Variants in LEO1 observed in about 807,000 individuals in gnomAD.
LEO1 encodes the protein LEO1 component of Paf1/RNA polymerase II complex.
Under a neutral mutation model 80.4 loss-of-function variants are expected in LEO1, and 34 were observed. That is an observed-to-expected ratio of 0.42 (90% CI 0.32 to 0.56). The LOEUF (loss-of-function observed/expected upper bound fraction) is 0.56. LEO1 is among the 20% of genes least tolerant of loss of function. The probability of loss-of-function intolerance (pLI) is 0.10; values close to 1 mark genes in which losing one functional copy is unlikely to be tolerated. For synonymous variants in LEO1, 262 were observed against 274.9 expected (o/e 0.95, Z 0.46); for missense variants, 631 against 814.2 (o/e 0.77, Z 2.74).
chr15:51,960,748 G>A lies in LEO1; in HGVS notation c.920-15C>T. 3 of 1,444,540 alleles carry A rather than the reference G, an allele frequency of 2.1e-6. No homozygotes were observed. The highest frequency in any genetic ancestry group is 1.1e-5 in the South Asian group (1 of 87,446). 89.5% of individuals were successfully genotyped at this position (1,444,540 alleles called of 1,614,324 possible). ...TCCACTATTATCTTCAATGCAGAAG[G>A]AAAAAGGCATTAGTGTTACTATCTG... On this transcript the variant is annotated splice_polypyrimidine_tract_variant and intron_variant, in intron 3 of 11. Transcript: ENST00000299601.
At chr15:51,938,469 G>A (rs2056820229) in intron 11 of LEO1, among the ~76,000 whole-genome samples, 1 of 152,220 alleles carries the variant, frequency 6.6e-6, no homozygotes, top group South Asian at 2.1e-4. Context: ...GCAGGAAACT[G>A]GAGACAGGAT....
chr15:51,940,873 A>G (rs1025517986), intron 11 of LEO1, among the ~76,000 whole-genome samples: 6 of 152,014 alleles, frequency 3.9e-5, no homozygotes, highest in Non-Finnish European at 5.9e-5. Context: ...TGAGGCGGGC[A>G]GATCACTTGA....
intron 2 of LEO1, among the ~76,000 whole-genome samples, chr15:51,963,346 C>G (rs2057046283): frequency 6.6e-6 from 1 of 151,850 alleles, no homozygotes; most frequent in Non-Finnish European, 1.5e-5. Context: ...TAAAACTTAT[C>G]AAATTTACAT....
In LEO1 at chr15:51,966,033, T is replaced by C. The variant is rs1253146328; in HGVS notation, c.530A>G (p.Gln177Arg). 6.2e-7 allele frequency: 1 copy of C among 1,614,038 alleles called. No homozygotes were observed. Among genetic ancestry groups the C allele is most frequent in the East Asian group, 2.2e-5 (1 of 44,900 alleles). The change falls in exon 2 of 12, where the codon CAG (glutamine) becomes CGG (arginine). Residue 177 changes from glutamine to arginine, a missense_variant. By Grantham distance (43) the Gln-to-Arg change is conservative. Transcript: ENST00000299601. ...RAQGSDEDKLQNSDDDEKMQN... is the reference protein window; with the variant it reads ...RAQGSDEDKLRNSDDDEKMQN... Reference sequence around the variant, plus strand: ...CATTTTCTCATCATCGTCAGAATTCTGCAGCTTATCTTCATCAGATCCTTG... The same window carrying C: ...CATTTTCTCATCATCGTCAGAATTCCGCAGCTTATCTTCATCAGATCCTTG...
At chr15:51,971,605 C>A (rs2057123762) in intron 1 of LEO1, 83 bp downstream of exon 1, 1 of 1,423,948 alleles carries the variant, frequency 7.0e-7, no homozygotes, top group Non-Finnish European at 9.9e-7. Context: ...CTCTTGCCCG[C>A]GGCGCTGGAG....
chr15:51,962,157 T>C (rs1184521535), intron 3 of LEO1, among the ~76,000 whole-genome samples: 2 of 150,230 alleles, frequency 1.3e-5, no homozygotes, highest in Non-Finnish European at 3.0e-5. Flanking sequence ...AGCAAGACTC[T>C]GTCTCTTAAA....
intron 7 of LEO1, among the ~76,000 whole-genome samples, chr15:51,953,944 T>C (rs537323341): frequency 7.9e-5 from 12 of 151,706 alleles, no homozygotes; most frequent in African/African-American, 2.2e-4. Context: ...TTTCTTTTTT[T>C]TTTTTTTGAG....
intron 6 of LEO1, 95 bp downstream of exon 6, chr15:51,958,647 G>C (rs529687524): frequency 4.1e-6 from 3 of 735,674 alleles, no homozygotes; most frequent in African/African-American, 3.6e-5. Flanking sequence ...TGAAGTGTTA[G>C]GTAAAAAAAT....
intron 2 of LEO1, among the ~76,000 whole-genome samples, chr15:51,963,726 A>C (rs1014520048): frequency 6.6e-6 from 1 of 151,566 alleles, no homozygotes; most frequent in Non-Finnish European, 1.5e-5. Flanking sequence ...ACATGGGGAA[A>C]CTTCCTCTCT....
At chr15:51,941,973 T>C (rs2056856772) in intron 11 of LEO1, among the ~76,000 whole-genome samples, 6 of 152,272 alleles carry the variant, frequency 3.9e-5, no homozygotes. Context: ...TAATATAGAC[T>C]GGCCCTTGCC....
chr15:51,956,857 G>A (rs538217375), intron 6 of LEO1, among the ~76,000 whole-genome samples: 12 of 152,146 alleles, frequency 7.9e-5, no homozygotes, highest in East Asian at 5.8e-4. Flanking sequence ...ACAGGGTCTC[G>A]CTGTGCTGCA....
chr15:51,970,944 C>G (rs1420495966), intron 1 of LEO1, among the ~76,000 whole-genome samples: 1 of 152,162 alleles, frequency 6.6e-6, no homozygotes, highest in African/African-American at 2.4e-5. Flanking sequence ...CAGTGAGACC[C>G]TGTCTCTAAA....
rs759604912 is a variant in LEO1 at position 51,959,899 on chromosome 15, C to T, written c.1160G>A (p.Arg387Lys). ...KLPNFLSVEP[R>K]PFDPQYYEDE... ...AAAAAATTTTAATTGATTTCCTTACCTGGGCTCTACACTGAGAAAGTTGGG... is the reference window on the plus strand; with the variant it reads ...AAAAAATTTTAATTGATTTCCTTACTTGGGCTCTACACTGAGAAAGTTGGG... Residue 387 changes from arginine (R) to lysine (K), a missense_variant and splice_region_variant, in exon 5 of 12, where the codon AGA becomes AAA. By Grantham distance (26) the Arg-to-Lys change is conservative. Coordinates refer to ENST00000299601, the MANE Select transcript of LEO1 (RefSeq NM_138792.4). 1.3e-6 allele frequency: 2 copies of T among 1,579,534 alleles called. No homozygotes were observed. The highest frequency in any genetic ancestry group is 8.6e-7 in the Non-Finnish European group (1 of 1,166,484).
chr15:51,945,564 C>T (rs754807252), intron 11 of LEO1, among the ~76,000 whole-genome samples: 8 of 152,176 alleles, frequency 5.3e-5, no homozygotes, highest in Non-Finnish European at 1.2e-4. Context: ...TCCCAAGACC[C>T]CCCAGAGCAT....
chr15:51,949,562 T>A (rs1408709591), intron 10 of LEO1, among the ~76,000 whole-genome samples: 1 of 151,544 alleles, frequency 6.6e-6, no homozygotes, highest in Non-Finnish European at 1.5e-5. Context: ...TAGCCAGGTG[T>A]GGTGGCGCAC....
chr15:51,958,221 C>CA (rs958968682), intron 6 of LEO1, among the ~76,000 whole-genome samples: 1 of 150,866 alleles, frequency 6.6e-6, no homozygotes, highest in African/African-American at 2.4e-5. Context: ...TTTGGGAGGT[C>CA]AAGGCGGGAG....
intron 7 of LEO1, among the ~76,000 whole-genome samples, chr15:51,954,130 G>A (rs2056969757): frequency 6.6e-6 from 1 of 151,562 alleles, no homozygotes; most frequent in Non-Finnish European, 1.5e-5. Context: ...TCACCATCTT[G>A]GCCAGGCTGG....
At position 51,938,170 on chromosome 15, in the gene LEO1, C is replaced by A; in HGVS notation, c.1987G>T (p.Glu663Ter). 2 of 1,567,740 alleles carry A rather than the reference C, an allele frequency of 1.3e-6. No individual in the cohort carries two copies. The highest frequency in any genetic ancestry group is 8.8e-7 in the Non-Finnish European group (1 of 1,140,300). The change falls in exon 12 of 12, where the codon GAA becomes TAA. Residue 663 changes from glutamate (E) to a stop codon, truncating the protein, a stop_gained. Transcript: ENST00000299601. LOFTEE classifies it high-confidence loss of function. Reference protein sequence around the residue: ...KKYVISDEEEEDDD With the variant: ...KKYVISDEEE ...TATTTCATACTTCAATCATCATCTT[C>A]TTCCTCTTCATCGCTGATCACATAC...
intron 2 of LEO1, 79 bp downstream of exon 2, chr15:51,965,670 T>G: frequency 6.6e-7 from 1 of 1,505,086 alleles, no homozygotes; most frequent in Non-Finnish European, 8.8e-7. Context: ...GTAATAAAGA[T>G]GGGAATAAAG....
Sources: gnomAD v4.1 joint callset for allele counts (sites outside exome capture counted in the v4.1 genomes callset) on GRCh38, gnomAD v4.1.1 for gene constraint, MANE v1.5 for transcripts, NCBI Gene and HGNC (gene_info 2026-07-23, HGNC 2026-07-21) for gene names.